Variants in DLG2 observed in about 807,000 individuals in gnomAD.
DLG2 encodes the protein disks large homolog 2.
A neutral mutation model predicts 132.5 loss-of-function variants in DLG2; 45 were observed. The ratio of observed to expected loss-of-function variants is 0.34; its 90% CI spans 0.27 to 0.44. The LOEUF is 0.44. Ranked by LOEUF, DLG2 falls within the 20% of genes least tolerant of loss-of-function variation. The probability of loss-of-function intolerance (pLI) is 1.00; values close to 1 mark genes in which losing one functional copy is unlikely to be tolerated. For synonymous variants in DLG2, 424 were observed against 419.6 expected, an observed-to-expected ratio of 1.01 and a Z score of -0.13; for missense variants, 1,045 against 1,196.9, an observed-to-expected ratio of 0.87 and a Z score of 1.87.
At chr11:84,737,958 T>G (rs2064081055) in intron 6 of DLG2, among the ~76,000 whole-genome samples, 1 of 152,066 alleles carries the variant, frequency 6.6e-6, no homozygotes, top group African/African-American at 2.4e-5. Flanking sequence ...GGAGGAGGCA[T>G]TATTCCGTTT....
chr11:83,828,257 G>T (rs1470472704), intron 17 of DLG2, among the ~76,000 whole-genome samples: 3 of 152,170 alleles, frequency 2.0e-5, no homozygotes, highest in Non-Finnish European at 4.4e-5. Context: ...GCTGGGCAGA[G>T]TGGCAGGCAC....
Position 83,986,137 on chromosome 11 carries a change from C to A in DLG2, c.920-5495G>T, listed in dbSNP as rs180703978. Among the ~76,000 whole-genome samples the A allele has an allele frequency of 4.9e-3, 747 of 151,664 alleles. 3 individuals carry two copies. Among genetic ancestry groups the A allele is most frequent in the African/African-American group, 0.018 (728 of 41,334 alleles). On this transcript the variant is annotated intron_variant, in intron 11 of 27. Transcript: ENST00000376104. ...GGTTAGTTACATATGTATACATGTG[C>A]CATGTTGGTGTGCTGCACCCATTAA... is the stretch of plus-strand genomic sequence containing the variant.
chr11:84,534,581 A>C lies in DLG2; in HGVS notation c.508T>G (p.Ser170Ala). Residue 170 changes from serine to alanine, a missense_variant, in exon 7 of 28, where the codon TCT becomes GCT. Physicochemically the swap from Ser to Ala is moderately conservative, Grantham distance 99. Coordinates refer to ENST00000376104, the MANE Select transcript of DLG2 (RefSeq NM_001142699.3). ...GCAATATAACTGACCTTCAGAGGAG[A>C]AATATGAGACTGCAAGACATATCCA... ...VHGYVLQSHI[S>A]PLKASPAPII... is the part of the protein sequence containing the mutation. 1 of 1,613,910 alleles carries C rather than the reference A, an allele frequency of 6.2e-7. No individual in the cohort carries two copies. Among genetic ancestry groups the C allele is most frequent in the Non-Finnish European group, 8.5e-7 (1 of 1,179,874 alleles).
intron 18 of DLG2, among the ~76,000 whole-genome samples, chr11:83,758,902 C>T (rs2093771720): frequency 6.6e-6 from 1 of 151,920 alleles, no homozygotes; most frequent in Non-Finnish European, 1.5e-5. Context: ...GATACGACTG[C>T]TGAACTTTTG....
chr11:83,790,657 G>T, intron 17 of DLG2: 1 of 1,067,552 alleles, frequency 9.4e-7, no homozygotes, highest in Non-Finnish European at 1.5e-6. Context: ...GAGAGTGGAG[G>T]GACATGATGC....
At chr11:84,628,429 T>C (rs573989739) in intron 6 of DLG2, among the ~76,000 whole-genome samples, 3 of 152,360 alleles carry the variant, frequency 2.0e-5, no homozygotes, top group East Asian at 1.9e-4. Flanking sequence ...TGTAAATTGA[T>C]TGTATGTTCC....
intron 9 of DLG2, among the ~76,000 whole-genome samples, chr11:84,157,182 T>C (rs1596314129): frequency 6.6e-6 from 1 of 151,730 alleles, no homozygotes; most frequent in African/African-American, 2.4e-5. Flanking sequence ...TGGTAATAGA[T>C]ACATTTCTTA....
intron 4 of DLG2, among the ~76,000 whole-genome samples, chr11:85,267,729 C>G (rs1384520292): frequency 6.6e-6 from 1 of 152,070 alleles, no homozygotes; most frequent in East Asian, 1.9e-4. Flanking sequence ...TATAGGGAAG[C>G]CTTTCTAAAA....
chr11:84,740,635 C>G (rs2064487414), intron 6 of DLG2, among the ~76,000 whole-genome samples: 1 of 152,188 alleles, frequency 6.6e-6, no homozygotes, highest in Non-Finnish European at 1.5e-5. Context: ...ACCAATCCCA[C>G]ACCAGTGGCT....
chr11:84,842,760 A>G (rs1423480260), intron 6 of DLG2, among the ~76,000 whole-genome samples: 1 of 151,800 alleles, frequency 6.6e-6, no homozygotes, highest in Non-Finnish European at 1.5e-5. Flanking sequence ...AGGATCATTA[A>G]AGGAGAGGGT....
intron 17 of DLG2, among the ~76,000 whole-genome samples, chr11:83,812,225 T>G (rs1254527575): frequency 2.0e-5 from 3 of 152,176 alleles, no homozygotes; most frequent in Admixed American, 2.0e-4. Flanking sequence ...CTAGAAGAAC[T>G]GTTATTTCCT....
chr11:84,783,559 G>A (rs1052138204), intron 6 of DLG2, among the ~76,000 whole-genome samples: 1 of 152,092 alleles, frequency 6.6e-6, no homozygotes, highest in African/African-American at 2.4e-5. Context: ...CGGTCTCATG[G>A]CATCTAAATT....
intron 11 of DLG2, among the ~76,000 whole-genome samples, chr11:84,044,314 G>A (rs1036906480): frequency 3.3e-5 from 5 of 151,636 alleles, no homozygotes; most frequent in African/African-American, 1.2e-4. Flanking sequence ...TTTTGATTGC[G>A]GCATTCTTAC....
intron 3 of DLG2, among the ~76,000 whole-genome samples, chr11:85,457,010 T>C (rs559531554): frequency 5.9e-5 from 9 of 152,250 alleles, no homozygotes; most frequent in African/African-American, 2.2e-4. Flanking sequence ...CAATGATCTG[T>C]CTAATACTGT....
At chr11:85,022,692 T>G (rs1227073129) in intron 6 of DLG2, among the ~76,000 whole-genome samples, 1 of 152,148 alleles carries the variant, frequency 6.6e-6, no homozygotes, top group Non-Finnish European at 1.5e-5. Context: ...TTTGTTGTAA[T>G]TCTCTTTTCT....
At chr11:84,621,295 T>C (rs1173217367) in intron 6 of DLG2, among the ~76,000 whole-genome samples, 2 of 152,174 alleles carry the variant, frequency 1.3e-5, no homozygotes, top group Non-Finnish European at 2.9e-5. Context: ...AAAATTACTC[T>C]GGCTACTGTG....
intron 3 of DLG2, among the ~76,000 whole-genome samples, chr11:85,419,561 G>A (rs1449900967): frequency 6.6e-6 from 1 of 152,184 alleles, no homozygotes; most frequent in African/African-American, 2.4e-5. Flanking sequence ...TCATTTTCAA[G>A]TACACCTATC....
intron 7 of DLG2, among the ~76,000 whole-genome samples, chr11:84,364,673 G>A: frequency 6.6e-6 from 1 of 152,054 alleles, no homozygotes; most frequent in Admixed American, 6.6e-5. Context: ...TTATTATTTT[G>A]AGATACGTCC....
intron 19 of DLG2, among the ~76,000 whole-genome samples, chr11:83,548,158 A>C (rs2096285840): frequency 6.6e-6 from 1 of 152,114 alleles, no homozygotes; most frequent in Non-Finnish European, 1.5e-5. Flanking sequence ...GAAAAGAAGA[A>C]TCTTTGGGGG....
Sources: allele counts gnomAD v4.1 joint callset (sites outside exome capture counted in the v4.1 genomes callset), GRCh38; gene constraint gnomAD v4.1.1; transcripts MANE v1.5; gene names NCBI Gene and HGNC (gene_info 2026-07-23, HGNC 2026-07-21).